The following THSD4 variants were observed in gnomAD, a reference collection of about 807,000 sequenced individuals.
The protein encoded by THSD4 is thrombospondin type 1 domain containing 4.
A neutral mutation model predicts 119.0 loss-of-function variants in THSD4; 69 were observed. The ratio of observed to expected loss-of-function variants is 0.58; its 90% CI spans 0.48 to 0.71. The LOEUF (loss-of-function observed/expected upper bound fraction) is 0.71. Ranked by LOEUF, THSD4 falls within the 30% of genes least tolerant of loss-of-function variation. The pLI is 0.00. For missense variants in THSD4, 1,393 were observed against 1,391.1 expected, an observed-to-expected ratio of 1.00 and a Z score of -0.02; for synonymous variants, 524 against 540.4, an observed-to-expected ratio of 0.97 and a Z score of 0.42.
At chr15:71,647,905 G>A (rs150983773) in intron 7 of THSD4, among the ~76,000 whole-genome samples, 5 of 152,268 alleles carry the variant, frequency 3.3e-5, no homozygotes, top group East Asian at 1.9e-4. Flanking sequence ...GGGAGGCCTC[G>A]GATTGGGAGT....
intron 7 of THSD4, among the ~76,000 whole-genome samples, chr15:71,583,839 GA>G (rs1037288494): frequency 6.4e-4 from 98 of 152,178 alleles, no homozygotes; most frequent in African/African-American, 2.3e-3. Flanking sequence ...TTCTATCCTG[GA>G]AAAGATTCTA....
intron 7 of THSD4, among the ~76,000 whole-genome samples, chr15:71,469,517 G>A (rs2047544453): frequency 6.6e-6 from 1 of 152,188 alleles, no homozygotes; most frequent in African/African-American, 2.4e-5. Context: ...CTGGCTTCAA[G>A]GCTGAGAAGC....
At chr15:71,559,721 C>G (rs56153783) in intron 7 of THSD4, among the ~76,000 whole-genome samples, 30,156 of 152,074 alleles carry the variant, frequency 0.2, 3,493 homozygotes, top group South Asian at 0.29. Flanking sequence ...GCTTTGCAAA[C>G]TGTAAAGATT....
intron 10 of THSD4, chr15:71,732,536 A>G (rs1285079267): frequency 6.6e-6 from 1 of 152,212 alleles, no homozygotes; most frequent in Non-Finnish European, 1.5e-5. Context: ...CATGGTAATT[A>G]TAGCTCACAC....
chr15:71,695,501 CATGTGTGTGT>C (rs2052146121), intron 8 of THSD4, among the ~76,000 whole-genome samples: 1 of 115,330 alleles, frequency 8.7e-6, no homozygotes, highest in Admixed American at 8.3e-5. Context: ...TGTGTGTGTG[CATGTGTGTGT>C]GTGTGTGTGT....
At chr15:71,372,689 C>T (rs112695646) in intron 6 of THSD4, among the ~76,000 whole-genome samples, 1,799 of 152,332 alleles carry the variant, frequency 0.012, 13 homozygotes, top group Middle Eastern at 0.017. Context: ...GTGCCCCTAC[C>T]GGGGGGTGCC....
Position 71,782,160 on chromosome 15 carries a change from G to A in THSD4, c.*4786G>A, listed in dbSNP as rs982951147. On this transcript the variant is annotated 3_prime_UTR_variant, in exon 18 of 18. Transcript: ENST00000261862. ...AGATACCATCACTCTTTCTCAGCTC[G>A]ACTGGAGTTTCTGCACCTTTGCAGG... 1.3e-5 allele frequency: 2 copies of A among 152,218 alleles called. No individual in the cohort carries two copies. The highest frequency in any genetic ancestry group is 2.4e-5 in the African/African-American group (1 of 41,424). 9.4% of individuals were successfully genotyped at this position (152,218 alleles called of 1,614,324 possible). A position where few individuals can be genotyped will look rare whatever the true frequency, so the allele number is the denominator to read the frequency against.
At chr15:71,565,916 A>C (rs1419959031) in intron 7 of THSD4, among the ~76,000 whole-genome samples, 2 of 152,200 alleles carry the variant, frequency 1.3e-5, no homozygotes, top group East Asian at 1.9e-4. Flanking sequence ...TGGCAGACAG[A>C]AGTAAGTCTC....
At chr15:71,612,318 C>G (rs549159229) in intron 7 of THSD4, among the ~76,000 whole-genome samples, 89 of 152,294 alleles carry the variant, frequency 5.8e-4, no homozygotes, top group Non-Finnish European at 1.0e-3. Context: ...ACAATCACCC[C>G]CCGGTGGGAT....
At chr15:71,531,583 T>A (rs139103974) in intron 7 of THSD4, among the ~76,000 whole-genome samples, 1 of 152,240 alleles carries the variant, frequency 6.6e-6, no homozygotes, top group Admixed American at 6.5e-5. Flanking sequence ...ACTTGTCATG[T>A]GATCATGAGC....
intron 14 of THSD4, among the ~76,000 whole-genome samples, chr15:71,749,585 C>T (rs1169744783): frequency 3.3e-5 from 5 of 152,140 alleles, no homozygotes; most frequent in South Asian, 2.1e-4. Context: ...CGTGCGTACA[C>T]GTTACCTGTG....
chr15:71,111,265 A>G (rs1182120669), upstream of THSD4: 51 of 1,613,906 alleles, frequency 3.2e-5, no homozygotes, highest in Non-Finnish European at 4.2e-5. Context: ...CTGACACTTC[A>G]TGGGAATCCT....
chr15:71,773,403 C>A (rs937607525), intron 17 of THSD4, among the ~76,000 whole-genome samples: 11 of 152,130 alleles, frequency 7.2e-5, no homozygotes, highest in Admixed American at 6.5e-5. Flanking sequence ...AGCTGCCTCA[C>A]TATGTCAAAG....
intron 7 of THSD4, among the ~76,000 whole-genome samples, chr15:71,439,055 A>G (rs1021083320): frequency 7.9e-5 from 12 of 152,232 alleles, no homozygotes; most frequent in South Asian, 2.1e-4. Flanking sequence ...TAAAAAATAG[A>G]GAACTGGAAA....
intron 11 of THSD4, among the ~76,000 whole-genome samples, chr15:71,738,427 G>A (rs1325143172): frequency 1.3e-5 from 2 of 152,192 alleles, no homozygotes; most frequent in African/African-American, 4.8e-5. Flanking sequence ...TCTATGAGAT[G>A]GCTCATGGGT....
At chr15:71,490,559 CAAAAAAA>C (rs11408465) in intron 7 of THSD4, among the ~76,000 whole-genome samples, 1 of 90,922 alleles carries the variant, frequency 1.1e-5, no homozygotes, top group African/African-American at 5.3e-5. Flanking sequence ...GACTCCGTCT[CAAAAAAA>C]AAAAAAAAAA....
rs370811409 is a variant in THSD4, at chr15:71,366,887, T to C, written c.1016-44800T>C. ...AAATCGAACCCTCTAATGGTCTCAGTGAAGCGCCCTTCTCATACTGTGAAG... is the reference window on the plus strand; with the variant it reads ...AAATCGAACCCTCTAATGGTCTCAGCGAAGCGCCCTTCTCATACTGTGAAG... On this transcript the variant is annotated intron_variant, in intron 6 of 17. Coordinates refer to ENST00000261862, the MANE Select transcript of THSD4 (RefSeq NM_024817.3). Among the ~76,000 whole-genome samples, 349 of 152,306 alleles carry C rather than the reference T, an allele frequency of 2.3e-3. 7 individuals carry two copies. The South Asian group carries it at 0.048, about 21-fold the overall frequency.
At position 71,489,287 on chromosome 15, in the gene THSD4, G is replaced by T. The variant is rs574400884; in HGVS notation, c.1152+77464G>T. Among the ~76,000 whole-genome samples, 4 of 152,292 alleles carry T rather than the reference G, an allele frequency of 2.6e-5. No individual in the cohort carries two copies. The South Asian group carries it at 8.3e-4, about 32-fold the overall frequency. On this transcript the variant is annotated intron_variant, in intron 7 of 17. Transcript: ENST00000261862. The stretch of plus-strand genomic sequence containing the variant: ...CTTTTTCTGGATTTTGGTGGTGGGT[G>T]TAAAATATATCATGCATTACCATTT...
rs1339410446 is a variant in THSD4, at chr15:71,778,888, G to T, written c.*1514G>T. On this transcript the variant is annotated 3_prime_UTR_variant, in exon 18 of 18. Coordinates refer to ENST00000261862, the MANE Select transcript of THSD4 (RefSeq NM_024817.3). ...CTGAAAACAGTTAAGAGGAATATATGTATGTTTTACCCATTAAGAAAAAAT... is the reference window on the plus strand; with the variant it reads ...CTGAAAACAGTTAAGAGGAATATATTTATGTTTTACCCATTAAGAAAAAAT... 1 of 152,256 alleles carries T rather than the reference G, an allele frequency of 6.6e-6. No individual in the cohort carries two copies. Among genetic ancestry groups the T allele is most frequent in the Non-Finnish European group, 1.5e-5 (1 of 68,052 alleles). The allele number at this position is 152,256 out of a possible 1,614,324, so 9.4% of individuals were successfully genotyped here. A position where few individuals can be genotyped will look rare whatever the true frequency, so the allele number is the denominator to read the frequency against.
Sources: allele counts gnomAD v4.1 joint callset (sites outside exome capture counted in the v4.1 genomes callset), GRCh38; gene constraint gnomAD v4.1.1; transcripts MANE v1.5; gene names NCBI Gene and HGNC (gene_info 2026-07-23, HGNC 2026-07-21).